Variants in ALDH7A1 observed in about 807,000 individuals in gnomAD.
The protein encoded by ALDH7A1 is alpha-aminoadipic semialdehyde dehydrogenase.
Under a neutral mutation model 79.9 loss-of-function variants are expected in ALDH7A1, and 63 were observed. That is an observed-to-expected ratio of 0.79 (90% CI 0.64 to 0.97). ALDH7A1 has a LOEUF of 0.97. ALDH7A1 is among the 50% of genes least tolerant of loss of function. The pLI is 0.00. For synonymous variants in ALDH7A1, 240 were observed against 231.2 expected, an observed-to-expected ratio of 1.04 and a Z score of -0.34; for missense variants, 627 against 665.2, an observed-to-expected ratio of 0.94 and a Z score of 0.63.
At position 126,571,150 on chromosome 5, in the gene ALDH7A1, A is replaced by ATTTTTTTTTTTTTTT. The variant is rs386404930; in HGVS notation, c.696-306_696-292dup. The ATTTTTTTTTTTTTTT allele has an allele frequency of 1.5e-4, 30 of 206,670 alleles. 1 individual carries two copies. Among genetic ancestry groups the ATTTTTTTTTTTTTTT allele is most frequent in the African/African-American group, 8.2e-4 (30 of 36,784 alleles). The allele number at this position is 206,670 out of a possible 1,614,324, so 12.8% of individuals were successfully genotyped here. On this transcript the variant is annotated intron_variant, in intron 7 of 17. Transcript: ENST00000409134. ...GCCGTTTTCAAAAAACTATTAGCAG[A>ATTTTTTTTTTTTTTT]TTTTTTTTTTTTTTTTTTTTTTTTT...
chr5:126,580,848 G>T (rs1370444674), intron 5 of ALDH7A1, among the ~76,000 whole-genome samples: 1 of 150,442 alleles, frequency 6.6e-6, no homozygotes, highest in Non-Finnish European at 1.5e-5. Flanking sequence ...TTTTGAGATG[G>T]AGTTTCGCTC....
intron 16 of ALDH7A1, among the ~76,000 whole-genome samples, chr5:126,548,145 T>A (rs1003667042): frequency 3.3e-5 from 5 of 152,196 alleles, no homozygotes; most frequent in Admixed American, 6.5e-5. Flanking sequence ...AAGACTTTTT[T>A]AAAACTTTTA....
At chr5:126,567,048 C>T (rs1208943737) in intron 9 of ALDH7A1, among the ~76,000 whole-genome samples, 1 of 152,202 alleles carries the variant, frequency 6.6e-6, no homozygotes, top group Non-Finnish European at 1.5e-5. Flanking sequence ...TTATACTGGT[C>T]CAAGCACACA....
At chr5:126,568,483 A>G in intron 8 of ALDH7A1, 127 bp from the exon 9 acceptor site, 1 of 822,396 alleles carries the variant, frequency 1.2e-6, no homozygotes, top group Non-Finnish European at 2.1e-6. Context: ...AGTCTGTCCC[A>G]GGGGAGCAAG....
intron 7 of ALDH7A1, chr5:126,571,074 C>CCTT: frequency 3.8e-6 from 2 of 520,406 alleles, no homozygotes; most frequent in South Asian, 4.1e-5. Context: ...CAGACTCTGT[C>CCTT]CTTCTGTCCT....
intron 10 of ALDH7A1, 106 bp from the exon 11 acceptor site, chr5:126,559,440 T>G: frequency 3.6e-6 from 3 of 824,632 alleles, no homozygotes; most frequent in Non-Finnish European, 5.8e-6. Flanking sequence ...TTTGGTTTTT[T>G]TTTTTTTTTT....
intron 8 of ALDH7A1, 97 bp from the exon 9 acceptor site, chr5:126,568,453 G>C (rs1750667179): frequency 9.9e-7 from 1 of 1,011,956 alleles, no homozygotes; most frequent in South Asian, 1.3e-5. Flanking sequence ...TGAAAAAGCA[G>C]TCCCTTGAAG....
At chr5:126,586,088 G>A (rs183568097) in intron 3 of ALDH7A1, 11 of 152,248 alleles carry the variant, frequency 7.2e-5, no homozygotes, top group Admixed American at 5.9e-4. Flanking sequence ...AACACTTATG[G>A]TAAGTAAACT....
In ALDH7A1 at chr5:126,564,298, G is replaced by A. The variant is rs867834719; in HGVS notation, c.872-3174C>T. On this transcript the variant is annotated intron_variant, in intron 9 of 17. Coordinates refer to ENST00000409134, the MANE Select transcript of ALDH7A1 (RefSeq NM_001182.5). ...AGCCTCCCAAGTAGCTGGGCATGCC[G>A]CCACACCTAGCTAATTTTTTTGTAT... The A allele has an allele frequency of 3.8e-5, 10 of 265,240 alleles. No individual in the cohort carries two copies. In the Middle Eastern group the frequency reaches 3.3e-3, roughly 87 times the overall value. The allele number at this position is 265,240 out of a possible 1,614,324, so 16.4% of individuals were successfully genotyped here.
rs998130927 is a variant in ALDH7A1 at position 126,544,216 on chromosome 5, C to T, written c.*749G>A. ...TCTACTGATCCACCCGCCTCGGCCT[C>T]TCAAAGTGCTGGGATTATAGGCGTA... On this transcript the variant is annotated 3_prime_UTR_variant, in exon 18 of 18. Coordinates refer to ENST00000409134, the MANE Select transcript of ALDH7A1 (RefSeq NM_001182.5). 42 of 152,432 alleles carry T rather than the reference C, an allele frequency of 2.8e-4. No homozygotes were observed. Among genetic ancestry groups the T allele is most frequent in the African/African-American group, 9.9e-4 (41 of 41,428 alleles). The allele number at this position is 152,432 out of a possible 1,614,324, so 9.4% of individuals were successfully genotyped here. A position where few individuals can be genotyped will look rare whatever the true frequency, so the allele number is the denominator to read the frequency against.
chr5:126,562,607 T>C (rs1750441150), intron 9 of ALDH7A1, among the ~76,000 whole-genome samples: 1 of 151,940 alleles, frequency 6.6e-6, no homozygotes, highest in African/African-American at 2.4e-5. Context: ...CCCAGCACTT[T>C]AGGAGGCCGA....
rs1257024479 is a variant in ALDH7A1, at chr5:126,542,361, G to GC, written c.*2603dup. On this transcript the variant is annotated 3_prime_UTR_variant, in exon 18 of 18. Transcript: ENST00000409134. The stretch of plus-strand genomic sequence containing the variant: ...CTTCAGCATTTTCAGGAGACAGAAT[G>GC]CCACAGAGAATTTTCCACAGAGCTG... 2.0e-5 allele frequency: 3 copies of GC among 152,208 alleles called. No individual in the cohort carries two copies. Among genetic ancestry groups the GC allele is most frequent in the Admixed American group, 2.0e-4 (3 of 15,248 alleles). 9.4% of individuals were successfully genotyped at this position (152,208 alleles called of 1,614,324 possible). A position where few individuals can be genotyped will look rare whatever the true frequency, so the allele number is the denominator to read the frequency against.
intron 13 of ALDH7A1, 45 bp from the exon 14 acceptor site, chr5:126,552,182 T>C (rs756159837): frequency 3.8e-5 from 58 of 1,517,816 alleles, no homozygotes; most frequent in Non-Finnish European, 5.0e-5. Context: ...CATTTTGTTT[T>C]CTAGGACTTG....
intron 13 of ALDH7A1, 82 bp from the exon 14 acceptor site, chr5:126,552,219 C>T: frequency 2.0e-6 from 2 of 1,019,046 alleles, no homozygotes; most frequent in East Asian, 2.5e-5. Flanking sequence ...TCTTTGCCTA[C>T]ATTTATAAAG....
intron 5 of ALDH7A1, among the ~76,000 whole-genome samples, chr5:126,578,416 G>C (rs529640135): frequency 6.6e-6 from 1 of 152,066 alleles, no homozygotes; most frequent in Non-Finnish European, 1.5e-5. Context: ...ATGCTGGGAC[G>C]GGAGAATCAC....
At chr5:126,589,568 C>G (rs1333549766) in intron 3 of ALDH7A1, among the ~76,000 whole-genome samples, 1 of 152,066 alleles carries the variant, frequency 6.6e-6, no homozygotes, top group Non-Finnish European at 1.5e-5. Flanking sequence ...ATCACGAGTT[C>G]AGGAGTTCGA....
intron 10 of ALDH7A1, among the ~76,000 whole-genome samples, chr5:126,559,573 C>A (rs1207866308): frequency 6.6e-6 from 1 of 151,498 alleles, no homozygotes; most frequent in African/African-American, 2.4e-5. Context: ...GTTGGGATTA[C>A]AAGCATGTGC....
At chr5:126,578,729 A>G (rs970213887) in intron 5 of ALDH7A1, among the ~76,000 whole-genome samples, 4 of 152,194 alleles carry the variant, frequency 2.6e-5, no homozygotes, top group South Asian at 2.1e-4. Flanking sequence ...AAAGTCACCC[A>G]TAATCCTACA....
chr5:126,566,934 C>T (rs1344563734), intron 9 of ALDH7A1, among the ~76,000 whole-genome samples: 1 of 152,224 alleles, frequency 6.6e-6, no homozygotes, highest in Non-Finnish European at 1.5e-5. Flanking sequence ...AGAGCTTCCT[C>T]TTCAAAGACT....
Sources: allele counts gnomAD v4.1 joint callset (sites outside exome capture counted in the v4.1 genomes callset), GRCh38; gene constraint gnomAD v4.1.1; transcripts MANE v1.5; gene names NCBI Gene and HGNC (gene_info 2026-07-23, HGNC 2026-07-21).